The following SEC24B variants were observed in gnomAD, a reference collection of about 807,000 sequenced individuals.
The protein encoded by SEC24B is SEC24 homolog B, COPII component.
In SEC24B, 45 loss-of-function variants were observed where a neutral mutation model predicts 142.8. The ratio of observed to expected loss-of-function variants is 0.32; its 90% confidence interval spans 0.25 to 0.40. The LOEUF is 0.40. Among genes scored for constraint, SEC24B ranks in the 10% least tolerant of loss-of-function variants. The pLI, the probability that SEC24B is intolerant of heterozygous loss-of-function variation, is 1.00. For missense variants in SEC24B, 1,409 were observed against 1,526.8 expected, an observed-to-expected ratio of 0.92 and a Z score of 1.29; for synonymous variants, 574 against 568.2, an observed-to-expected ratio of 1.01 and a Z score of -0.15.
Position 109,448,249 on chromosome 4 carries a change from AT to A in SEC24B, c.133+14258del, listed in dbSNP as rs555139758. Reference sequence around the variant, plus strand: ...TTATTGGTCATGTTAAATAATTTGAATTTTTTTTTTTATGGCAAGGTAAACC... The same window carrying A: ...TTATTGGTCATGTTAAATAATTTGAATTTTTTTTTTATGGCAAGGTAAACC... On this transcript the variant is annotated intron_variant, in intron 1 of 23. Transcript: ENST00000265175. 9.4e-3 allele frequency among the ~76,000 whole-genome samples: 1,391 copies of A among 148,478 alleles called. 25 individuals are homozygous for A. The highest frequency in any genetic ancestry group is 0.032 in the African/African-American group (1,304 of 40,698).
At chr4:109,471,759 G>C (rs1260015780) in intron 2 of SEC24B, among the ~76,000 whole-genome samples, 1 of 152,108 alleles carries the variant, frequency 6.6e-6, no homozygotes, top group Non-Finnish European at 1.5e-5. Context: ...TACGTGGCTA[G>C]ACCAGCTTCC....
rs775274627 is a variant in SEC24B, at chr4:109,532,613, T to C, written c.3391-26T>C. On this transcript the variant is annotated intron_variant, in intron 20 of 23. Transcript: ENST00000265175. ...CTGTGATGATAGTAATGTAATCTCA[T>C]TCACATTCTCTCTTTTTCTTTTCAG... is the stretch of plus-strand genomic sequence containing the variant. 5 of 1,542,840 alleles carry C rather than the reference T, an allele frequency of 3.2e-6. No homozygotes were observed. In the African/African-American group the frequency reaches 4.1e-5, roughly 13 times the overall value.
chr4:109,514,437 G>A (rs6823032), intron 10 of SEC24B, among the ~76,000 whole-genome samples: 11,582 of 152,180 alleles, frequency 0.076, 588 homozygotes, highest in African/African-American at 0.14. Flanking sequence ...GGTGGCTCAC[G>A]TCTGTAATCC....
At position 109,463,017 on chromosome 4, in the gene SEC24B, G is replaced by C. The variant is rs1731450057; in HGVS notation, c.250G>C (p.Asp84His). ...GPGKMTSLPLDTQCGDYYSAL... is the reference protein window; with the variant it reads ...GPGKMTSLPLHTQCGDYYSAL... ...TGGGAAAATGACCTCATTGCCATTGGATACCCAGTGTGGTGATTACTACTC... is the reference window on the plus strand; with the variant it reads ...TGGGAAAATGACCTCATTGCCATTGCATACCCAGTGTGGTGATTACTACTC... Residue 84 changes from aspartate (D) to histidine (H), a missense_variant, in exon 2 of 24, where the codon GAT becomes CAT. Physicochemically the swap from Asp to His is moderately conservative, Grantham distance 81. Transcript: ENST00000265175. The C allele has an allele frequency of 6.2e-7, 1 of 1,613,962 alleles. No homozygotes were observed. Among genetic ancestry groups the C allele is most frequent in the Non-Finnish European group, 8.5e-7 (1 of 1,180,010 alleles).
intron 6 of SEC24B, among the ~76,000 whole-genome samples, chr4:109,501,527 A>G (rs74549142): frequency 2.3e-3 from 347 of 152,320 alleles, no homozygotes; most frequent in African/African-American, 7.8e-3. Context: ...CTGGAATGCA[A>G]TGGCAGGATC....
chr4:109,438,920 T>G (rs1466322771), intron 1 of SEC24B, among the ~76,000 whole-genome samples: 1 of 152,222 alleles, frequency 6.6e-6, no homozygotes, highest in Non-Finnish European at 1.5e-5. Flanking sequence ...ACTCTGCCTT[T>G]TGGGATTCCT....
At chr4:109,473,718 TA>T (rs1274147166) in intron 3 of SEC24B, among the ~76,000 whole-genome samples, 3 of 152,246 alleles carry the variant, frequency 2.0e-5, no homozygotes, top group African/African-American at 4.8e-5. Context: ...GTTAAGTAAG[TA>T]AAAGGTAATA....
At position 109,520,508 on chromosome 4, in the gene SEC24B, C is replaced by G. The variant is rs148724980; in HGVS notation, c.2245+24C>G. On this transcript the variant is annotated intron_variant, in intron 12 of 23. Coordinates refer to ENST00000265175, the MANE Select transcript of SEC24B (RefSeq NM_006323.5). ...TGGTAAGCAGTCAGTAAAATAAAAG[C>G]CTTTCTAACTACGGACTTTGAAATG... 7 of 1,393,686 alleles carry G rather than the reference C, an allele frequency of 5.0e-6. No individual in the cohort carries two copies. In the African/African-American group the frequency reaches 8.6e-5, roughly 17 times the overall value. The allele number at this position is 1,393,686 out of a possible 1,614,324, so 86.3% of individuals were successfully genotyped here. A position where few individuals can be genotyped will look rare whatever the true frequency, so the allele number is the denominator to read the frequency against.
chr4:109,471,350 G>C (rs1002083865), intron 2 of SEC24B, among the ~76,000 whole-genome samples: 2 of 152,036 alleles, frequency 1.3e-5, no homozygotes, highest in Non-Finnish European at 2.9e-5. Context: ...TTGCCGTGTT[G>C]CCCAGGCTGG....
chr4:109,500,270 G>A (rs1735978992), intron 6 of SEC24B, among the ~76,000 whole-genome samples: 1 of 152,088 alleles, frequency 6.6e-6, no homozygotes, highest in Admixed American at 6.6e-5. Flanking sequence ...CAGGCCAGGC[G>A]CATTGGCTCA....
At chr4:109,461,184 A>G (rs1731219156) in intron 1 of SEC24B, among the ~76,000 whole-genome samples, 1 of 152,222 alleles carries the variant, frequency 6.6e-6, no homozygotes, top group Admixed American at 6.5e-5. Context: ...TTCAAAGTTA[A>G]CTACTGTAAA....
chr4:109,434,092 A>T, intron 1 of SEC24B, 90 bp downstream of exon 1: 1 of 901,216 alleles, frequency 1.1e-6, no homozygotes, highest in Non-Finnish European at 1.3e-6. Flanking sequence ...CCGGGCCGGG[A>T]AGGGCGTTCG....
intron 2 of SEC24B, among the ~76,000 whole-genome samples, chr4:109,466,550 A>C (rs1731894809): frequency 6.6e-6 from 1 of 152,250 alleles, no homozygotes. Context: ...AGCTGGGACT[A>C]GCGGCACCCG....
chr4:109,529,750 T>G (rs1036112395), intron 18 of SEC24B, among the ~76,000 whole-genome samples: 3 of 152,118 alleles, frequency 2.0e-5, no homozygotes, highest in African/African-American at 7.2e-5. Flanking sequence ...TGTTTTGGGG[T>G]TTGTTTGTAG....
chr4:109,476,154 T>C (rs551913390), intron 3 of SEC24B, among the ~76,000 whole-genome samples: 24 of 152,142 alleles, frequency 1.6e-4, no homozygotes, highest in African/African-American at 5.8e-4. Context: ...GCCCAGCTAA[T>C]TTTTGTATTT....
intron 1 of SEC24B, among the ~76,000 whole-genome samples, chr4:109,452,591 T>C (rs1250893975): frequency 2.0e-5 from 3 of 152,250 alleles, no homozygotes; most frequent in African/African-American, 7.2e-5. Context: ...ATTTGATATT[T>C]TCGGTTTTTG....
intron 8 of SEC24B, among the ~76,000 whole-genome samples, chr4:109,511,751 T>C (rs1737360068): frequency 2.0e-5 from 3 of 152,228 alleles, no homozygotes. Context: ...GACTTTATTT[T>C]AGTGTTATGA....
In SEC24B at chr4:109,485,249, A is replaced by G. The variant is rs578145233; in HGVS notation, c.1165+3468A>G. Among the ~76,000 whole-genome samples, 139 of 152,262 alleles carry G rather than the reference A, an allele frequency of 9.1e-4. 2 individuals carry two copies. The highest frequency in any genetic ancestry group is 2.4e-4 in the Non-Finnish European group (16 of 68,048). The stretch of plus-strand genomic sequence containing the variant: ...ATTGTGTTATTGTCTGTTCTTCTCA[A>G]CAATTCTGCAAGGCAGAAATAATCA... On this transcript the variant is annotated intron_variant, in intron 4 of 23. Transcript: ENST00000265175.
At chr4:109,445,967 CTT>C (rs34601695) in intron 1 of SEC24B, among the ~76,000 whole-genome samples, 12,131 of 130,830 alleles carry the variant, frequency 0.093, 572 homozygotes, top group Middle Eastern at 0.19. Flanking sequence ...TTCTAAGATG[CTT>C]TTTTTTTTTT....
Sources: gnomAD v4.1 joint callset for allele counts (sites outside exome capture counted in the v4.1 genomes callset) on GRCh38, gnomAD v4.1.1 for gene constraint, MANE v1.5 for transcripts, NCBI Gene and HGNC (gene_info 2026-07-23, HGNC 2026-07-21) for gene names.